TENT2: variants seen among roughly 807,000 people sequenced by gnomAD.
The protein encoded by TENT2 is terminal nucleotidyltransferase 2, also known as poly(A) RNA polymerase GLD2.
TENT2 carries 44 observed loss-of-function variants against 72.2 expected under a neutral mutation model. That is an observed-to-expected ratio of 0.61 (90% CI 0.48 to 0.78). The LOEUF (loss-of-function observed/expected upper bound fraction) is 0.78, where lower values mean the gene tolerates loss of function less well. TENT2 is among the 30% of genes least tolerant of loss of function. The pLI is 0.00. For missense variants in TENT2, 541 were observed against 569.6 expected (o/e 0.95, Z 0.51); for synonymous variants, 212 against 192.5 (o/e 1.10, Z -0.84).
intron 4 of TENT2, among the ~76,000 whole-genome samples, chr5:79,630,588 G>T (rs958170682): frequency 1.3e-5 from 2 of 151,978 alleles, no homozygotes; most frequent in Non-Finnish European, 2.9e-5. Context: ...AAAAGTAGTG[G>T]GGATGGGGAG....
At chr5:79,636,600 G>A (rs765296219) in intron 4 of TENT2, among the ~76,000 whole-genome samples, 2 of 152,120 alleles carry the variant, frequency 1.3e-5, no homozygotes, top group Non-Finnish European at 1.5e-5. Flanking sequence ...AGCCTTCTGG[G>A]CTTTTGATTT....
intron 4 of TENT2, among the ~76,000 whole-genome samples, chr5:79,625,869 G>A (rs1264040878): frequency 2.0e-5 from 3 of 151,286 alleles, no homozygotes; most frequent in Admixed American, 6.6e-5. Context: ...TAGCTCTGCC[G>A]CCCAGGCTGG....
chr5:79,673,394 A>G (rs1175587861), intron 12 of TENT2, among the ~76,000 whole-genome samples: 1 of 152,092 alleles, frequency 6.6e-6, no homozygotes. Context: ...GAGTTTCTCC[A>G]ATGTTTTCTT....
chr5:79,676,500 G>GCTTGAAC (rs1405728623), intron 12 of TENT2, among the ~76,000 whole-genome samples: 9 of 152,114 alleles, frequency 5.9e-5, no homozygotes, highest in Admixed American at 5.9e-4. Flanking sequence ...CAGGAGAATT[G>GCTTGAAC]CTTGAACCTG....
At position 79,656,962 on chromosome 5, in the gene TENT2, A is replaced by G. The variant is rs750852826; in HGVS notation, c.1032A>G (p.Leu344=). 6.2e-7 allele frequency: 1 copy of G among 1,605,438 alleles called. No homozygotes were observed. Among genetic ancestry groups the G allele is most frequent in the Non-Finnish European group, 8.5e-7 (1 of 1,173,772 alleles). Residue 344 remains leucine (L), a synonymous_variant, in exon 11 of 15, where the codon CTA becomes CTG. Transcript: ENST00000453514. ...VLMVLHYLQT[L]PEPILPSLQK... is the part of the protein sequence containing the mutation. ...TTAAACTTTTTCTTTTTATAGCCCT[A>G]CCTGAACCCATCCTTCCATCCCTCC...
chr5:79,655,739 T>G (rs1484402926), intron 10 of TENT2, among the ~76,000 whole-genome samples: 1 of 142,736 alleles, frequency 7.0e-6, no homozygotes, highest in African/African-American at 2.9e-5. Flanking sequence ...TGGTAAGTAA[T>G]GATTGAGTTT....
chr5:79,637,949 C>A (rs892414050), intron 4 of TENT2, among the ~76,000 whole-genome samples: 1 of 151,984 alleles, frequency 6.6e-6, no homozygotes, highest in Non-Finnish European at 1.5e-5. Flanking sequence ...AGGCACGTGC[C>A]ACTGTTCCCG....
At chr5:79,668,303 G>T (rs1272750135) in intron 11 of TENT2, among the ~76,000 whole-genome samples, 6 of 151,894 alleles carry the variant, frequency 4.0e-5, no homozygotes, top group African/African-American at 1.5e-4. Flanking sequence ...CATTTTCCCT[G>T]CCTTCTTTGT....
intron 4 of TENT2, among the ~76,000 whole-genome samples, chr5:79,632,254 T>A (rs66877396): frequency 0.2 from 30,882 of 152,102 alleles, 4,632 homozygotes; most frequent in African/African-American, 0.42. Flanking sequence ...GAAGTTTTTT[T>A]AACTACTTTG....
At chr5:79,652,750 G>A (rs1047944564) in intron 10 of TENT2, among the ~76,000 whole-genome samples, 1 of 151,896 alleles carries the variant, frequency 6.6e-6, no homozygotes. Flanking sequence ...TGAAACATAT[G>A]ACATTGGCTG....
At chr5:79,654,413 A>G (rs1796409384) in intron 10 of TENT2, among the ~76,000 whole-genome samples, 1 of 151,736 alleles carries the variant, frequency 6.6e-6, no homozygotes, top group South Asian at 2.1e-4. Flanking sequence ...CCTGGGCAAC[A>G]AGAGCGAAAC....
At chr5:79,648,334 A>AATTTT (rs1790827422) in intron 8 of TENT2, among the ~76,000 whole-genome samples, 1 of 152,130 alleles carries the variant, frequency 6.6e-6, no homozygotes, top group Admixed American at 6.6e-5. Flanking sequence ...AAGATTTAAA[A>AATTTT]ATTTTATTTG....
intron 12 of TENT2, among the ~76,000 whole-genome samples, chr5:79,673,929 G>A (rs757407966): frequency 6.6e-6 from 1 of 152,080 alleles, no homozygotes; most frequent in Non-Finnish European, 1.5e-5. Context: ...GTACTCTAAT[G>A]TTAAGAAGTT....
At chr5:79,659,722 T>C (rs1183266545) in intron 11 of TENT2, among the ~76,000 whole-genome samples, 2 of 151,168 alleles carry the variant, frequency 1.3e-5, no homozygotes, top group African/African-American at 2.4e-5. Context: ...AGAAACTGTT[T>C]TAGAAATGTT....
At chr5:79,646,343 A>G (rs1789004161) in intron 8 of TENT2, among the ~76,000 whole-genome samples, 1 of 152,110 alleles carries the variant, frequency 6.6e-6, no homozygotes, top group Non-Finnish European at 1.5e-5. Context: ...ACAACATAAA[A>G]CTTGGTTATG....
At chr5:79,660,534 TGAAATAAA>T in intron 11 of TENT2, among the ~76,000 whole-genome samples, 1 of 152,150 alleles carries the variant, frequency 6.6e-6, no homozygotes, top group East Asian at 1.9e-4. Flanking sequence ...TTAATAGTTA[TGAAATAAA>T]GAATTCTATA....
chr5:79,638,162 C>T lies in TENT2; in HGVS notation c.466-2689C>T, dbSNP rs141952569. On this transcript the variant is annotated intron_variant, in intron 4 of 14. Coordinates refer to ENST00000453514, the MANE Select transcript of TENT2 (RefSeq NM_001114394.3). ...TAGTGCCTTTGCTTTTTTCCTTTCC[C>T]ACTTTTATCTAGAGTAGAATTTTTT... Among the ~76,000 whole-genome samples, 274 of 152,098 alleles carry T rather than the reference C, an allele frequency of 1.8e-3. 1 individual carries two copies. Among genetic ancestry groups the T allele is most frequent in the African/African-American group, 5.8e-3 (240 of 41,504 alleles).
intron 4 of TENT2, among the ~76,000 whole-genome samples, chr5:79,635,897 G>T (rs56104123): frequency 0.21 from 31,725 of 152,102 alleles, 4,742 homozygotes; most frequent in African/African-American, 0.42. Context: ...GAGTACCTAC[G>T]GTGAATTCTA....
chr5:79,619,109 G>C (rs1762760826), intron 1 of TENT2, among the ~76,000 whole-genome samples: 1 of 152,052 alleles, frequency 6.6e-6, no homozygotes, highest in Non-Finnish European at 1.5e-5. Flanking sequence ...TCTTTTATTG[G>C]AAGTCTTTTA....
Sources: allele counts gnomAD v4.1 joint callset (sites outside exome capture counted in the v4.1 genomes callset), GRCh38; gene constraint gnomAD v4.1.1; transcripts MANE v1.5; gene names NCBI Gene and HGNC (gene_info 2026-07-23, HGNC 2026-07-21).